Variants in KRT39 observed in about 807,000 individuals in gnomAD.
KRT39 encodes keratin, type I cytoskeletal 39.
KRT39 carries 47 observed loss-of-function variants against 54.8 expected under a neutral mutation model. The ratio of observed to expected loss-of-function variants is 0.86; its 90% confidence interval spans 0.68 to 1.09. KRT39 has a LOEUF of 1.09. Among genes scored for constraint, KRT39 ranks in the 50% least tolerant of loss-of-function variants. KRT39 has a pLI of 0.00. For synonymous variants in KRT39, 207 were observed against 227.9 expected (o/e 0.91, Z 0.83); for missense variants, 580 against 598.5 (o/e 0.97, Z 0.32).
rs1358680600 is a variant in KRT39, at chr17:40,963,721, AT to A, written c.613del (p.Ile205SerfsTer2). On this transcript the variant is annotated frameshift_variant, in exon 3 of 7. Coordinates refer to ENST00000355612, the MANE Select transcript of KRT39 (RefSeq NM_213656.4). LOFTEE classifies it high-confidence loss of function. ...VESDANGLKQ[I>X]LNVLTLGKAD... ...CTTGCCCAGGGTCAGCACATTCAGGATCTGCTTGAGGCCATTGGCATCTGAC... is the reference window on the plus strand; with the variant it reads ...CTTGCCCAGGGTCAGCACATTCAGGACTGCTTGAGGCCATTGGCATCTGAC... 6.2e-7 allele frequency: 1 copy of A among 1,611,024 alleles called. No individual in the cohort carries two copies. Among genetic ancestry groups the A allele is most frequent in the Admixed American group, 1.7e-5 (1 of 59,986 alleles).
At chr17:40,965,401 A>T (rs916913271) in intron 1 of KRT39, among the ~76,000 whole-genome samples, 68 of 152,050 alleles carry the variant, frequency 4.5e-4, no homozygotes, top group African/African-American at 1.5e-3. Flanking sequence ...AATAAATAAA[A>T]AATAAAATAA....
Position 40,966,898 on chromosome 17 carries a change from C to T in KRT39, c.-42G>A, listed in dbSNP as rs767127047. 5.4e-6 allele frequency: 8 copies of T among 1,473,084 alleles called. No homozygotes were observed. The African/African-American group carries it at 1.1e-4, about 20-fold the overall frequency. 91.3% of individuals were successfully genotyped at this position (1,473,084 alleles called of 1,614,324 possible). ...TAGTTTGTTCCAGGTCTGTGGTCAC[C>T]AGGATGAAAAGCTCAAGCCACCTCC... On this transcript the variant is annotated 5_prime_UTR_variant, in exon 1 of 7. Transcript: ENST00000355612.
rs915281037 is a variant in KRT39, at chr17:40,964,602, G to T, written c.469-74C>A. On this transcript the variant is annotated intron_variant, in intron 1 of 6. Coordinates refer to ENST00000355612, the MANE Select transcript of KRT39 (RefSeq NM_213656.4). ...CTTCTTTAAGAACCAAGGGGTTTGTGTGTGTGTCAAGTAACAGGGGAAGGC... is the reference window on the plus strand; with the variant it reads ...CTTCTTTAAGAACCAAGGGGTTTGTTTGTGTGTCAAGTAACAGGGGAAGGC... The T allele has an allele frequency of 4.0e-6, 4 of 1,011,362 alleles. No individual in the cohort carries two copies. In the Admixed American group the frequency reaches 6.8e-5, roughly 17 times the overall value. 62.6% of individuals were successfully genotyped at this position (1,011,362 alleles called of 1,614,324 possible).
At chr17:40,958,907 A>G in intron 6 of KRT39, 48 bp from the exon 7 acceptor site, 1 of 1,519,896 alleles carries the variant, frequency 6.6e-7, no homozygotes, top group Non-Finnish European at 8.8e-7. Context: ...GAAGGCGATG[A>G]TGGTCATGGA....
At chr17:40,966,037 C>T (rs1415091355) in intron 1 of KRT39, among the ~76,000 whole-genome samples, 2 of 150,672 alleles carry the variant, frequency 1.3e-5, no homozygotes, top group East Asian at 3.9e-4. Context: ...CATGTGCCAC[C>T]ACGCCCATCT....
In KRT39 at chr17:40,964,449, G is replaced by T. The variant is rs375750318; in HGVS notation, c.548C>A (p.Ala183Asp). ...NTKLTADDLR[A>D]KYEAEVSLRQ... ...TGACGGTGTTGGGTGGGCTTACTTG[G>T]CTCTCAAGTCATCTGCAGTCAGTTT... is the stretch of plus-strand genomic sequence containing the variant. The change falls in exon 2 of 7, where the codon GCC becomes GAC. Residue 183 changes from alanine to aspartate, a missense_variant. Ala to Asp is a moderately radical substitution (Grantham distance 126). Coordinates refer to ENST00000355612, the MANE Select transcript of KRT39 (RefSeq NM_213656.4). 1 of 1,613,914 alleles carries T rather than the reference G, an allele frequency of 6.2e-7. No homozygotes were observed. Among genetic ancestry groups the T allele is most frequent in the Admixed American group, 1.7e-5 (1 of 60,014 alleles).
Position 40,966,688 on chromosome 17 carries a change from G to A in KRT39, c.169C>T (p.Gln57Ter). Residue 57 changes from glutamine (Q) to a stop codon, truncating the protein, a stop_gained, in exon 1 of 7, where the codon CAG becomes TAG. Coordinates refer to ENST00000355612, the MANE Select transcript of KRT39 (RefSeq NM_213656.4). LOFTEE classifies it high-confidence loss of function. Reference sequence around the variant, plus strand: ...AAGCGAGGAGTGGGTTGGCAGCCCTGGTCCCAGGGAATTCTGAGAACGTGG... The same window carrying A: ...AAGCGAGGAGTGGGTTGGCAGCCCTAGTCCCAGGGAATTCTGAGAACGTGG... ...AGHVLRIPWDQGCQPTPRFCR... is the reference protein window; with the variant it reads ...AGHVLRIPWD 1 of 1,614,176 alleles carries A rather than the reference G, an allele frequency of 6.2e-7. No individual in the cohort carries two copies. Among genetic ancestry groups the A allele is most frequent in the Admixed American group, 1.7e-5 (1 of 60,018 alleles).
Position 40,958,859 on chromosome 17 carries a change from C to A in KRT39, c.1218G>T (p.Lys406Asn), listed in dbSNP as rs1402618934. The change falls in exon 7 of 7, where the codon AAG becomes AAT. Residue 406 changes from lysine to asparagine, a missense_variant and splice_region_variant. By Grantham distance (94) the Lys-to-Asn change is moderately conservative. Transcript: ENST00000355612. Reference protein sequence around the residue: ...YRSLLESSDGKRPCYPRATKC... With the variant: ...YRSLLESSDGNRPCYPRATKC... ...TGGTGGCACGTGGGTAACAGGGACG[C>A]CTAAGGAAAAAAAACACAATTTTAG... 1 of 1,565,050 alleles carries A rather than the reference C, an allele frequency of 6.4e-7. No homozygotes were observed. Among genetic ancestry groups the A allele is most frequent in the Admixed American group, 2.0e-5 (1 of 50,756 alleles).
In KRT39 at chr17:40,964,502, G is replaced by A; in HGVS notation, c.495C>T (p.Ser165=). 6.2e-7 allele frequency: 1 copy of A among 1,613,840 alleles called. No individual in the cohort carries two copies. Among genetic ancestry groups the A allele is most frequent in the Non-Finnish European group, 8.5e-7 (1 of 1,179,770 alleles). The change falls in exon 2 of 7, where the codon TCC becomes TCT. Residue 165 remains serine (S), a synonymous_variant. Transcript: ENST00000355612. Reference sequence around the variant, plus strand: ...TGTTGTCAATTTGCGAGACCAGTCTGGAATTCTCGGCCTTGGTACACAAGA... The same window carrying A: ...TGTTGTCAATTTGCGAGACCAGTCTAGAATTCTCGGCCTTGGTACACAAGA... ...QKILCTKAEN[S]RLVSQIDNTK... is the part of the protein sequence containing the mutation.
At chr17:40,958,891 T>A (rs1199093968) in intron 6 of KRT39, 32 bp from the exon 7 acceptor site, 6 of 1,541,826 alleles carry the variant, frequency 3.9e-6, no homozygotes. Context: ...TTAGCTGTGA[T>A]TGAGGGAAGG....
At position 40,958,769 on chromosome 17, in the gene KRT39, G is replaced by C. The variant is rs766040853; in HGVS notation, c.1308C>G (p.Cys436Trp). The C allele has an allele frequency of 3.1e-6, 5 of 1,614,014 alleles. No homozygotes were observed. The South Asian group carries it at 5.5e-5, about 18-fold the overall frequency. The change falls in exon 7 of 7, where the codon TGC becomes TGG. Residue 436 changes from cysteine to tryptophan, a missense_variant. Cys to Trp is a radical substitution (Grantham distance 215, BLOSUM62 -2). Coordinates refer to ENST00000355612, the MANE Select transcript of KRT39 (RefSeq NM_213656.4). ...TTAAGCTGCAGGGGGATGAGGATGT[G>C]CAAGCTGGGGCCGTGCTTTCTATGG... ...SGAIESTAPA[C>W]TSSSPCSLKE...
chr17:40,959,045 A>G (rs1311014723), intron 6 of KRT39, among the ~76,000 whole-genome samples, 186 bp from the exon 7 acceptor site: 1 of 152,218 alleles, frequency 6.6e-6, no homozygotes, highest in Non-Finnish European at 1.5e-5. Flanking sequence ...TCCATTGGAA[A>G]TCAGCATCCT....
Position 40,962,540 on chromosome 17 carries a change from C to A in KRT39, c.732G>T (p.Gln244His), listed in dbSNP as rs2143617744. 6.2e-7 allele frequency: 1 copy of A among 1,613,734 alleles called. No individual in the cohort carries two copies. The highest frequency in any genetic ancestry group is 8.5e-7 in the Non-Finnish European group (1 of 1,179,926). ...HKEEINSLQC[Q>H]LGERLDIEVT... ...CTTCAATGTCAAGTCTCTCCCCAAG[C>A]TGACACTGTAAAGAATTGATTTCCT... Residue 244 changes from glutamine to histidine, a missense_variant, in exon 4 of 7, where the codon CAG (glutamine) becomes CAT (histidine). Coordinates refer to ENST00000355612, the MANE Select transcript of KRT39 (RefSeq NM_213656.4).
At chr17:40,964,604 G>A (rs1487272643) in intron 1 of KRT39, 76 bp from the exon 2 acceptor site, 23 of 970,756 alleles carry the variant, frequency 2.4e-5, no homozygotes. Context: ...GGGTTTGTGT[G>A]TGTGTCAAGT....
chr17:40,959,967 C>T (rs758952229), intron 6 of KRT39, among the ~76,000 whole-genome samples: 1 of 152,152 alleles, frequency 6.6e-6, no homozygotes, highest in East Asian at 1.9e-4. Flanking sequence ...CAGGAATATT[C>T]ATCTATGGGG....
intron 5 of KRT39, chr17:40,960,815 C>G: frequency 2.5e-6 from 1 of 404,006 alleles, no homozygotes; most frequent in South Asian, 3.2e-5. Context: ...AAAATAATAA[C>G]TTAATGCACA....
chr17:40,958,901 G>A, intron 6 of KRT39, 42 bp from the exon 7 acceptor site: 2 of 1,294,384 alleles, frequency 1.5e-6, no homozygotes, highest in Non-Finnish European at 2.2e-6. Flanking sequence ...TTGAGGGAAG[G>A]CGATGATGGT....
Position 40,958,577 on chromosome 17 carries a change from G to T in KRT39, c.*24C>A, listed in dbSNP as rs1910994553. The T allele has an allele frequency of 1.3e-6, 2 of 1,574,268 alleles. No individual in the cohort carries two copies. Among genetic ancestry groups the T allele is most frequent in the Admixed American group, 3.6e-5 (2 of 55,968 alleles). On this transcript the variant is annotated 3_prime_UTR_variant, in exon 7 of 7. Coordinates refer to ENST00000355612, the MANE Select transcript of KRT39 (RefSeq NM_213656.4). The stretch of plus-strand genomic sequence containing the variant: ...TATTGGCCTCTGTTTCATAAATGTG[G>T]GTCATTTTCATCACCTTGGGATGTT...
At chr17:40,960,240 T>C in intron 6 of KRT39, 41 bp downstream of exon 6, 1 of 1,566,366 alleles carries the variant, frequency 6.4e-7, no homozygotes, top group Non-Finnish European at 8.7e-7. Flanking sequence ...CTGCGTTCAT[T>C]TACACTTTTT....
Sources: gnomAD v4.1 joint callset for allele counts (sites outside exome capture counted in the v4.1 genomes callset) on GRCh38, gnomAD v4.1.1 for gene constraint, MANE v1.5 for transcripts, NCBI Gene and HGNC (gene_info 2026-07-23, HGNC 2026-07-21) for gene names.